CEP192: variants seen among roughly 807,000 people sequenced by gnomAD.
CEP192 encodes centrosomal protein of 192 kDa.
In CEP192, 151 loss-of-function variants were observed where a neutral mutation model predicts 271.8. The observed-to-expected ratio is 0.56, with a 90% confidence interval of 0.49 to 0.64. The LOEUF (loss-of-function observed/expected upper bound fraction) is 0.64, where lower values mean the gene tolerates loss of function less well. Among genes scored for constraint, CEP192 ranks in the 30% least tolerant of loss-of-function variants. The probability of loss-of-function intolerance (pLI) is 0.00; values close to 1 mark genes in which losing one functional copy is unlikely to be tolerated. For missense variants in CEP192, 2,910 were observed against 3,020.5 expected, an observed-to-expected ratio of 0.96 and a Z score of 0.86; for synonymous variants, 995 against 1,076.5, an observed-to-expected ratio of 0.92 and a Z score of 1.48.
In CEP192 at chr18:12,999,099, T is replaced by C. The variant is rs148646347; in HGVS notation, c.-4-322T>C. ...TATACCATCAGTGTTATGCCATCTTTGCTTTCTTTACTAGATAAGTTTGTA... is the reference window on the plus strand; with the variant it reads ...TATACCATCAGTGTTATGCCATCTTCGCTTTCTTTACTAGATAAGTTTGTA... On this transcript the variant is annotated intron_variant, in intron 1 of 44. Transcript: ENST00000506447. Among the ~76,000 whole-genome samples the C allele has an allele frequency of 1.2e-3, 176 of 152,328 alleles. 1 individual carries two copies. The highest frequency in any genetic ancestry group is 5.7e-4 in the Non-Finnish European group (39 of 68,026).
intron 34 of CEP192, among the ~76,000 whole-genome samples, chr18:13,093,849 A>G (rs1598581903): frequency 6.6e-6 from 1 of 152,364 alleles, no homozygotes; most frequent in Non-Finnish European, 1.5e-5. Flanking sequence ...TTCCATAGAT[A>G]AGGACATTAG....
At chr18:13,083,207 C>T (rs1434820776) in intron 30 of CEP192, among the ~76,000 whole-genome samples, 2 of 152,222 alleles carry the variant, frequency 1.3e-5, no homozygotes, top group Non-Finnish European at 2.9e-5. Flanking sequence ...TAATATCCTG[C>T]AGTGTGTTTT....
At chr18:12,999,844 T>G (rs1191602847) in intron 2 of CEP192, among the ~76,000 whole-genome samples, 1 of 148,896 alleles carries the variant, frequency 6.7e-6, no homozygotes, top group African/African-American at 2.5e-5. Flanking sequence ...TTTTTTTTTT[T>G]TTGTCTATAG....
At chr18:13,116,555 T>C in intron 43 of CEP192, 52 bp downstream of exon 43, 2 of 1,474,630 alleles carry the variant, frequency 1.4e-6, no homozygotes, top group Middle Eastern at 3.5e-4. Flanking sequence ...CATTCAACTC[T>C]GATAACAAAC....
At chr18:13,039,230 G>A (rs182826723) in intron 13 of CEP192, among the ~76,000 whole-genome samples, 17 of 152,158 alleles carry the variant, frequency 1.1e-4, no homozygotes, top group Admixed American at 6.5e-4. Flanking sequence ...TGAGGTGGGC[G>A]GATCACTTGA....
intron 30 of CEP192, among the ~76,000 whole-genome samples, chr18:13,078,087 T>C (rs2038386015): frequency 6.6e-6 from 1 of 152,126 alleles, no homozygotes; most frequent in Admixed American, 6.5e-5. Flanking sequence ...CCTCCCCTAG[T>C]CCCTCACCCC....
chr18:13,093,371 T>C (rs1268470413), intron 34 of CEP192, among the ~76,000 whole-genome samples: 2 of 152,116 alleles, frequency 1.3e-5, no homozygotes, highest in Non-Finnish European at 2.9e-5. Context: ...TGGTCCGGAG[T>C]GTAATCTAAC....
chr18:13,008,566 G>A lies in CEP192; in HGVS notation c.401G>A (p.Gly134Glu), dbSNP rs756056572. ...GCAGGACCAGAAGAGGAGCCAGCCG[G>A]AGCTACAGAATCCTTGCAGGGCCAA... ...ETAGPEEEPAGATESLQGQDL... is the reference protein window; with the variant it reads ...ETAGPEEEPAEATESLQGQDL... Residue 134 changes from glycine (G) to glutamate (E), a missense_variant, in exon 4 of 45, where the codon GGA (glycine) becomes GAA (glutamate). By Grantham distance (98) the Gly-to-Glu change is moderately conservative. Transcript: ENST00000506447. 5.3e-5 allele frequency: 83 copies of A among 1,551,532 alleles called. No individual in the cohort carries two copies. The highest frequency in any genetic ancestry group is 6.6e-5 in the Non-Finnish European group (76 of 1,146,980).
intron 40 of CEP192, among the ~76,000 whole-genome samples, chr18:13,107,182 A>G (rs1233054042): frequency 5.3e-5 from 8 of 152,214 alleles, no homozygotes; most frequent in Admixed American, 1.3e-4. Context: ...TCATACAATC[A>G]GGTAGCAAAG....
At chr18:13,038,932 G>A (rs2036053656) in intron 13 of CEP192, among the ~76,000 whole-genome samples, 1 of 152,116 alleles carries the variant, frequency 6.6e-6, no homozygotes, top group Non-Finnish European at 1.5e-5. Flanking sequence ...ATTGTTGGTT[G>A]GTGTGAAGAA....
Position 13,086,953 on chromosome 18 carries a change from G to GTA in CEP192, c.5617-63_5617-62dup, listed in dbSNP as rs1434624593. The GTA allele has an allele frequency of 4.4e-6, 5 of 1,149,368 alleles. No individual in the cohort carries two copies. The African/African-American group carries it at 7.8e-5, about 18-fold the overall frequency. 71.2% of individuals were successfully genotyped at this position (1,149,368 alleles called of 1,614,324 possible). A position where few individuals can be genotyped will look rare whatever the true frequency, so the allele number is the denominator to read the frequency against. On this transcript the variant is annotated intron_variant, in intron 30 of 44. Coordinates refer to ENST00000506447, the MANE Select transcript of CEP192 (RefSeq NM_032142.4). Reference sequence around the variant, plus strand: ...AATCTTTCTGAATTTTCTTCTCACTGTAATTCAGTGTTTCGCTTTCTGCTT... The same window carrying GTA: ...AATCTTTCTGAATTTTCTTCTCACTGTATAATTCAGTGTTTCGCTTTCTGCTT...
intron 33 of CEP192, among the ~76,000 whole-genome samples, chr18:13,091,492 T>C (rs974945024): frequency 6.6e-6 from 1 of 152,168 alleles, no homozygotes; most frequent in Non-Finnish European, 1.5e-5. Flanking sequence ...CAGTTGAAGC[T>C]TTTATGTGAT....
At chr18:13,055,712 C>T in intron 18 of CEP192, 68 bp from the exon 19 acceptor site, 1 of 1,128,910 alleles carries the variant, frequency 8.9e-7, no homozygotes, top group South Asian at 1.6e-5. Flanking sequence ...GAGCTTTTGC[C>T]AGCATGTTTC....
intron 34 of CEP192, among the ~76,000 whole-genome samples, chr18:13,093,676 G>A (rs980734548): frequency 5.9e-5 from 9 of 152,192 alleles, no homozygotes; most frequent in African/African-American, 1.2e-4. Context: ...TGGCTTACCC[G>A]AAATGAAGAG....
intron 4 of CEP192, among the ~76,000 whole-genome samples, chr18:13,011,450 C>G (rs2034354672): frequency 6.6e-6 from 1 of 152,104 alleles, no homozygotes; most frequent in South Asian, 2.1e-4. Context: ...TACCATGTGA[C>G]TCCGCATTTG....
At chr18:13,028,732 G>A (rs1045456218) in intron 9 of CEP192, among the ~76,000 whole-genome samples, 2 of 151,964 alleles carry the variant, frequency 1.3e-5, no homozygotes, top group African/African-American at 4.8e-5. Flanking sequence ...GTTGGCCAGG[G>A]TGGTCTCGAA....
chr18:13,088,683 A>T (rs1439970625), intron 32 of CEP192: 1 of 230,570 alleles, frequency 4.3e-6, no homozygotes, highest in Non-Finnish European at 9.0e-6. Flanking sequence ...TTTCCTTCTG[A>T]CCCTTTGTGC....
At position 13,100,403 on chromosome 18, in the gene CEP192, G is replaced by C; in HGVS notation, c.6762G>C (p.Glu2254Asp). ...TTGGAATTCTTTCCCCAGTATCTGA[G>C]CCTTCAGTTAGTCATTTGGTCAAAC... is the stretch of plus-strand genomic sequence containing the variant. ...KPFGILSPVS[E>D]PSVSHLVKPM... The change falls in exon 38 of 45, where the codon GAG becomes GAC. Residue 2254 changes from glutamate (E) to aspartate (D), a missense_variant. Physicochemically the swap from Glu to Asp is conservative, Grantham distance 45. Coordinates refer to ENST00000506447, the MANE Select transcript of CEP192 (RefSeq NM_032142.4). 6.2e-7 allele frequency: 1 copy of C among 1,613,922 alleles called. No homozygotes were observed. The highest frequency in any genetic ancestry group is 1.3e-5 in the African/African-American group (1 of 75,036).
intron 26 of CEP192, 128 bp downstream of exon 26, chr18:13,069,309 T>C (rs938203736): frequency 3.8e-5 from 28 of 741,830 alleles, no homozygotes; most frequent in Admixed American, 1.7e-4. Flanking sequence ...AAAGAATCGC[T>C]GAGAGTTTTT....
Sources: allele counts gnomAD v4.1 joint callset (sites outside exome capture counted in the v4.1 genomes callset), GRCh38; gene constraint gnomAD v4.1.1; transcripts MANE v1.5; gene names NCBI Gene and HGNC (gene_info 2026-07-23, HGNC 2026-07-21).